SYNPO2: variants seen among roughly 807,000 people sequenced by gnomAD.
The protein encoded by SYNPO2 is synaptopodin 2.
Under a neutral mutation model 85.0 loss-of-function variants are expected in SYNPO2, and 56 were observed. The observed-to-expected ratio is 0.66, with a 90% confidence interval of 0.53 to 0.82. The LOEUF is 0.82. Ranked by LOEUF, SYNPO2 falls within the 40% of genes least tolerant of loss-of-function variation. The pLI is 0.00. For missense variants in SYNPO2, 1,575 were observed against 1,534.2 expected, an observed-to-expected ratio of 1.03 and a Z score of -0.44; for synonymous variants, 602 against 591.1, an observed-to-expected ratio of 1.02 and a Z score of -0.27.
At chr4:118,876,710 TTTCTTTC>T (rs1033138360) in intron 1 of SYNPO2, among the ~76,000 whole-genome samples, 2 of 146,294 alleles carry the variant, frequency 1.4e-5, no homozygotes, top group Non-Finnish European at 3.0e-5. Flanking sequence ...TCTTTCTTTC[TTTCTTTC>T]TTTCTTTCTT....
At chr4:119,037,274 T>A in intron 4 of SYNPO2, 1 of 1,434,128 alleles carries the variant, frequency 7.0e-7, no homozygotes, top group Non-Finnish European at 9.2e-7. Flanking sequence ...GGCTCCTTAA[T>A]AACTACTGAT....
Position 119,030,374 on chromosome 4 carries a change from G to T in SYNPO2, c.1599G>T (p.Thr533=). ...DAAQTDGLRT[T]TSYQRKEEES... is the part of the protein sequence containing the mutation. The stretch of plus-strand genomic sequence containing the variant: ...CCCAGACCGATGGCCTGAGAACCAC[G>T]ACTTCTTACCAAAGAAAGGAGGAAG... The change falls in exon 4 of 5, where the codon ACG becomes ACT. Residue 533 remains threonine (T), a synonymous_variant. Coordinates refer to ENST00000307142, the MANE Select transcript of SYNPO2 (RefSeq NM_133477.3). The T allele has an allele frequency of 6.2e-7, 1 of 1,614,100 alleles. No homozygotes were observed. Among genetic ancestry groups the T allele is most frequent in the Non-Finnish European group, 8.5e-7 (1 of 1,180,012 alleles).
At chr4:118,859,170 T>G (rs1731563738) in intron 1 of SYNPO2, among the ~76,000 whole-genome samples, 2 of 152,212 alleles carry the variant, frequency 1.3e-5, no homozygotes, top group Admixed American at 6.5e-5. Context: ...AACAGCAAAT[T>G]TCCATACATC....
chr4:118,976,264 T>C (rs1435861469), intron 1 of SYNPO2, among the ~76,000 whole-genome samples: 2 of 152,104 alleles, frequency 1.3e-5, no homozygotes, highest in African/African-American at 4.8e-5. Context: ...CTGCAGACCT[T>C]TGCAGTGAGT....
At chr4:118,948,789 A>C (rs1734590315) in intron 1 of SYNPO2, among the ~76,000 whole-genome samples, 2 of 152,318 alleles carry the variant, frequency 1.3e-5, no homozygotes, top group Middle Eastern at 6.8e-3. Flanking sequence ...CCCATGATCC[A>C]GACACCTCCC....
intron 4 of SYNPO2, 34 bp from the exon 5 acceptor site, chr4:119,057,367 G>T (rs1186191768): frequency 6.5e-7 from 1 of 1,530,078 alleles, no homozygotes; most frequent in South Asian, 1.3e-5. Context: ...AAACCAAAAT[G>T]AATGAGATAT....
intron 1 of SYNPO2, among the ~76,000 whole-genome samples, chr4:118,866,027 A>G (rs994451720): frequency 1.3e-5 from 2 of 152,224 alleles, no homozygotes; most frequent in South Asian, 4.1e-4. Context: ...AACATTTCAC[A>G]CCAGAGACTG....
chr4:118,867,196 C>G (rs902507646), intron 1 of SYNPO2, among the ~76,000 whole-genome samples: 5 of 152,102 alleles, frequency 3.3e-5, no homozygotes, highest in African/African-American at 4.8e-5. Flanking sequence ...AACGTTTGCT[C>G]TAGACCTTAA....
At chr4:118,912,519 C>G (rs1733176544) in intron 1 of SYNPO2, among the ~76,000 whole-genome samples, 1 of 152,120 alleles carries the variant, frequency 6.6e-6, no homozygotes, top group African/African-American at 2.4e-5. Flanking sequence ...GTAAATCTTC[C>G]TTCTTATAAT....
chr4:118,900,697 CTCTCTCTA>C (rs1472675118), intron 1 of SYNPO2, among the ~76,000 whole-genome samples: 61 of 37,100 alleles, frequency 1.6e-3, no homozygotes, highest in South Asian at 4.6e-3. Context: ...CTCTCTCTCT[CTCTCTCTA>C]TATATATATA....
intron 1 of SYNPO2, among the ~76,000 whole-genome samples, chr4:118,935,063 T>C (rs1186917731): frequency 6.6e-6 from 1 of 152,180 alleles, no homozygotes; most frequent in Non-Finnish European, 1.5e-5. Flanking sequence ...CTGTTCTTAA[T>C]ATTAAAAAGT....
At chr4:119,046,159 T>C (rs923518351) in intron 4 of SYNPO2, among the ~76,000 whole-genome samples, 1 of 152,226 alleles carries the variant, frequency 6.6e-6, no homozygotes, top group African/African-American at 2.4e-5. Flanking sequence ...TGTTTAGAAC[T>C]GTAGCTAGTA....
At chr4:118,976,037 C>A (rs1735713833) in intron 1 of SYNPO2, among the ~76,000 whole-genome samples, 3 of 152,220 alleles carry the variant, frequency 2.0e-5, no homozygotes, top group Admixed American at 2.0e-4. Context: ...CTTTTGAAAT[C>A]TTTCTTGCCC....
intron 1 of SYNPO2, among the ~76,000 whole-genome samples, chr4:118,926,945 G>A (rs1019601835): frequency 1.3e-5 from 2 of 152,068 alleles, no homozygotes; most frequent in African/African-American, 2.4e-5. Context: ...CTTGGTTAAC[G>A]GGATACTGAA....
chr4:118,976,245 G>A (rs1466007330), intron 1 of SYNPO2, among the ~76,000 whole-genome samples: 1 of 152,032 alleles, frequency 6.6e-6, no homozygotes, highest in Non-Finnish European at 1.5e-5. Flanking sequence ...CGCTGGCTCA[G>A]GAGTGAAGCT....
At chr4:118,932,262 G>C (rs1733957641) in intron 1 of SYNPO2, among the ~76,000 whole-genome samples, 1 of 152,150 alleles carries the variant, frequency 6.6e-6, no homozygotes. Context: ...TTCTGAGATA[G>C]AGGCACCACT....
chr4:118,933,831 T>TTTTTG (rs1553939091), intron 1 of SYNPO2, among the ~76,000 whole-genome samples: 6 of 136,620 alleles, frequency 4.4e-5, no homozygotes, highest in Admixed American at 1.4e-4. Context: ...TTGTTGTTGT[T>TTTTTG]TTTTTTTTTT....
At chr4:118,869,205 C>T (rs911682642) in intron 1 of SYNPO2, among the ~76,000 whole-genome samples, 10 of 152,024 alleles carry the variant, frequency 6.6e-5, no homozygotes, top group African/African-American at 9.7e-5. Flanking sequence ...TACAGGCACG[C>T]GCCACCACAC....
intron 1 of SYNPO2, among the ~76,000 whole-genome samples, chr4:119,022,883 TCTC>T (rs1267745099): frequency 6.6e-6 from 1 of 151,826 alleles, no homozygotes; most frequent in Non-Finnish European, 1.5e-5. Flanking sequence ...CTCATGCAAT[TCTC>T]CTGCCTCAGC....
Sources: allele counts gnomAD v4.1 joint callset (sites outside exome capture counted in the v4.1 genomes callset), GRCh38; gene constraint gnomAD v4.1.1; transcripts MANE v1.5; gene names NCBI Gene and HGNC (gene_info 2026-07-23, HGNC 2026-07-21).